The following BABAM2 variants were observed in gnomAD, a reference collection of about 807,000 sequenced individuals.
BABAM2 encodes BRISC and BRCA1-A complex member 2.
Under a neutral mutation model 54.7 loss-of-function variants are expected in BABAM2, and 31 were observed. That is an observed-to-expected ratio of 0.57 (90% CI 0.43 to 0.77). The LOEUF (loss-of-function observed/expected upper bound fraction) is 0.77. BABAM2 is among the 30% of genes least tolerant of loss of function. The pLI is 0.00. For synonymous variants in BABAM2, 167 were observed against 162.9 expected, an observed-to-expected ratio of 1.03 and a Z score of -0.19; for missense variants, 364 against 455.8, an observed-to-expected ratio of 0.80 and a Z score of 1.83.
intron 7 of BABAM2, among the ~76,000 whole-genome samples, chr2:28,144,930 G>C (rs1671366348): frequency 6.6e-6 from 1 of 152,204 alleles, no homozygotes; most frequent in Non-Finnish European, 1.5e-5. Flanking sequence ...GTTCCTTGGA[G>C]GGGGCTCCGG....
intron 3 of BABAM2, among the ~76,000 whole-genome samples, chr2:27,984,765 G>A (rs1330563854): frequency 6.6e-6 from 1 of 151,754 alleles, no homozygotes; most frequent in African/African-American, 2.4e-5. Context: ...TTCTTTAGCG[G>A]TGATTTCTGA....
chr2:28,056,019 TG>T (rs1230768123), intron 6 of BABAM2, among the ~76,000 whole-genome samples: 1 of 152,154 alleles, frequency 6.6e-6, no homozygotes, highest in Non-Finnish European at 1.5e-5. Flanking sequence ...TGATCTCGCT[TG>T]TATGTAGAAT....
chr2:27,998,312 AATAATT>A (rs1558646629), intron 4 of BABAM2, among the ~76,000 whole-genome samples: 1 of 151,696 alleles, frequency 6.6e-6, no homozygotes, highest in Admixed American at 6.6e-5. Flanking sequence ...AAATATTAAT[AATAATT>A]ATTATTATTA....
chr2:28,000,042 A>G lies in BABAM2; in HGVS notation c.300+11955A>G, dbSNP rs141494902. ...TGCCAAGACAGTACAGAGAGCAGAG[A>G]GTTCCTAAGTGCCCCACATTCAGCT... On this transcript the variant is annotated intron_variant, in intron 4 of 11. Coordinates refer to ENST00000379624, the MANE Select transcript of BABAM2 (RefSeq NM_199191.3). Among the ~76,000 whole-genome samples, 49 of 152,268 alleles carry G rather than the reference A, an allele frequency of 3.2e-4. 1 individual carries two copies. Among genetic ancestry groups the G allele is most frequent in the African/African-American group, 8.7e-4 (36 of 41,574 alleles).
At chr2:28,247,131 T>A (rs750253546) in intron 10 of BABAM2, among the ~76,000 whole-genome samples, 19 of 152,282 alleles carry the variant, frequency 1.2e-4, no homozygotes, top group Non-Finnish European at 2.5e-4. Context: ...CCTTGGGAGT[T>A]GTTTAATTGA....
chr2:27,900,525 CCTT>C (rs1389591351), intron 2 of BABAM2, among the ~76,000 whole-genome samples: 3 of 152,044 alleles, frequency 2.0e-5, no homozygotes, highest in African/African-American at 7.2e-5. Context: ...GTTTATACCT[CCTT>C]AAGATCTATC....
intron 7 of BABAM2, among the ~76,000 whole-genome samples, chr2:28,183,339 G>A (rs547510894): frequency 1.4e-4 from 22 of 152,298 alleles, no homozygotes; most frequent in African/African-American, 5.1e-4. Context: ...TACTTGGGAG[G>A]CTGAGGCAGG....
At chr2:28,251,070 C>T in intron 10 of BABAM2, among the ~76,000 whole-genome samples, 1 of 152,134 alleles carries the variant, frequency 6.6e-6, no homozygotes, top group East Asian at 1.9e-4. Context: ...AAGGTTCTTA[C>T]TCTGATGTTT....
At chr2:27,949,640 A>T (rs1669559465) in intron 3 of BABAM2, among the ~76,000 whole-genome samples, 1 of 152,350 alleles carries the variant, frequency 6.6e-6, no homozygotes, top group African/African-American at 2.4e-5. Context: ...ACTCTAAAAG[A>T]ACTGGGGATG....
chr2:28,188,129 A>C (rs559231647), intron 7 of BABAM2, among the ~76,000 whole-genome samples: 59 of 152,286 alleles, frequency 3.9e-4, no homozygotes, highest in African/African-American at 1.3e-3. Flanking sequence ...GGTATGTGCC[A>C]CTGCATGATC....
At chr2:28,199,859 A>G (rs774175766) in intron 7 of BABAM2, among the ~76,000 whole-genome samples, 1 of 152,208 alleles carries the variant, frequency 6.6e-6, no homozygotes, top group Non-Finnish European at 1.5e-5. Flanking sequence ...GACCTAAACA[A>G]GTGATCCTTA....
intron 2 of BABAM2, among the ~76,000 whole-genome samples, chr2:27,908,900 A>G (rs949996602): frequency 1.3e-5 from 2 of 151,976 alleles, no homozygotes; most frequent in African/African-American, 4.8e-5. Context: ...CTCAACACCA[A>G]CACTTATTAC....
At chr2:28,119,848 T>C (rs1021653736) in intron 6 of BABAM2, among the ~76,000 whole-genome samples, 8 of 152,186 alleles carry the variant, frequency 5.3e-5, no homozygotes, top group Non-Finnish European at 7.4e-5. Context: ...GGGCTCACCC[T>C]GTAGGAAGTA....
intron 10 of BABAM2, among the ~76,000 whole-genome samples, chr2:28,250,819 TTGATCTCCTGACCTCG>T (rs1243416086): frequency 6.6e-6 from 1 of 152,166 alleles, no homozygotes; most frequent in African/African-American, 2.4e-5. Flanking sequence ...CAGGATGGTC[TTGATCTCCTGACCTCG>T]TGATCTACCC....
intron 9 of BABAM2, among the ~76,000 whole-genome samples, chr2:28,242,961 ATAAT>A (rs565328119): frequency 4.0e-4 from 61 of 152,338 alleles, no homozygotes; most frequent in African/African-American, 1.4e-3. Flanking sequence ...TTTAGTATAT[ATAAT>A]TAAACATGAA....
chr2:28,332,163 C>CG (rs548160274), intron 11 of BABAM2, among the ~76,000 whole-genome samples: 6 of 152,068 alleles, frequency 3.9e-5, no homozygotes, highest in Non-Finnish European at 8.8e-5. Context: ...GCCTGTTGAT[C>CG]GGGGGGCATC....
At chr2:27,908,460 A>G (rs1222450383) in intron 2 of BABAM2, among the ~76,000 whole-genome samples, 1 of 152,004 alleles carries the variant, frequency 6.6e-6, no homozygotes, top group Non-Finnish European at 1.5e-5. Context: ...TTTTTTCGAA[A>G]TGGGGTTGCG....
intron 4 of BABAM2, chr2:27,996,307 C>A (rs1449267141): frequency 6.5e-6 from 1 of 154,816 alleles, no homozygotes; most frequent in Non-Finnish European, 1.5e-5. Context: ...TTTGCTGAGT[C>A]GAAGCTAGTT....
chr2:28,037,577 G>T (rs1461435374), intron 5 of BABAM2, among the ~76,000 whole-genome samples: 1 of 152,160 alleles, frequency 6.6e-6, no homozygotes, highest in Non-Finnish European at 1.5e-5. Flanking sequence ...TAAATAATTA[G>T]AAGTGGAATT....
Sources: gnomAD v4.1 joint callset for allele counts (sites outside exome capture counted in the v4.1 genomes callset) on GRCh38, gnomAD v4.1.1 for gene constraint, MANE v1.5 for transcripts, NCBI Gene and HGNC (gene_info 2026-07-23, HGNC 2026-07-21) for gene names.